Variants in DCHS2 observed in about 807,000 individuals in gnomAD.
DCHS2 encodes the protein dachsous cadherin-related 2.
Under a neutral mutation model 182.4 loss-of-function variants are expected in DCHS2, and 142 were observed. The ratio of observed to expected loss-of-function variants is 0.78; its 90% CI spans 0.68 to 0.89. The LOEUF is 0.89. Ranked by LOEUF, DCHS2 falls within the 40% of genes least tolerant of loss-of-function variation. The pLI, the probability that DCHS2 is intolerant of heterozygous loss-of-function variation, is 0.00. For synonymous variants in DCHS2, 1,740 were observed against 1,663.3 expected (o/e 1.05, Z -1.12); for missense variants, 4,319 against 4,198.6 (o/e 1.03, Z -0.79).
chr4:154,383,638 A>G (rs1247286624), intron 1 of DCHS2, among the ~76,000 whole-genome samples: 3 of 152,154 alleles, frequency 2.0e-5, no homozygotes, highest in Admixed American at 1.3e-4. Context: ...TGGATGTTCT[A>G]CAAGTGGAAT....
Position 154,343,516 on chromosome 4 carries a change from C to T in DCHS2, c.2477-8412G>A, listed in dbSNP as rs1485777077. 2.0e-6 allele frequency: 3 copies of T among 1,503,084 alleles called. No individual in the cohort carries two copies. In the Admixed American group the frequency reaches 6.1e-5, roughly 31 times the overall value. 93.1% of individuals were successfully genotyped at this position (1,503,084 alleles called of 1,614,324 possible). On this transcript the variant is annotated intron_variant, in intron 3 of 19. Transcript: ENST00000357232. Reference sequence around the variant, plus strand: ...TTTGCTACATACCTTGCTGCAGCTTCTCCATCAGCACTTGCTGCTTCATCT... The same window carrying T: ...TTTGCTACATACCTTGCTGCAGCTTTTCCATCAGCACTTGCTGCTTCATCT...
intron 15 of DCHS2, among the ~76,000 whole-genome samples, chr4:154,257,923 T>G (rs1162382435): frequency 6.6e-6 from 1 of 152,316 alleles, no homozygotes; most frequent in African/African-American, 2.4e-5. Flanking sequence ...TATGGGTCTT[T>G]GCCTTCACTT....
rs75589397 is a variant in DCHS2 at position 154,325,316 on chromosome 4, C to CGTGTGTGTGTGT, written c.4018+2765_4018+2776dup. Among the ~76,000 whole-genome samples, 219 of 142,744 alleles carry CGTGTGTGTGTGT rather than the reference C, an allele frequency of 1.5e-3. 1 individual carries two copies. Among genetic ancestry groups the CGTGTGTGTGTGT allele is most frequent in the African/African-American group, 5.5e-3 (209 of 38,266 alleles). 93.6% of individuals were successfully genotyped at this position (142,744 alleles called of 152,430 possible). On this transcript the variant is annotated intron_variant, in intron 7 of 19. Transcript: ENST00000357232. The stretch of plus-strand genomic sequence containing the variant: ...AGTGGTATTATAGCAGGATTATAGC[C>CGTGTGTGTGTGT]GTGTGTGTGTGTGTGTGTGTGTGTG...
chr4:154,345,008 C>A (rs1488066694), intron 3 of DCHS2, among the ~76,000 whole-genome samples: 1 of 152,182 alleles, frequency 6.6e-6, no homozygotes, highest in Non-Finnish European at 1.5e-5. Context: ...ATACTAAACA[C>A]AGAAGAAAGC....
At chr4:154,420,662 C>A (rs952978843) in intron 1 of DCHS2, among the ~76,000 whole-genome samples, 1 of 152,166 alleles carries the variant, frequency 6.6e-6, no homozygotes, top group Non-Finnish European at 1.5e-5. Flanking sequence ...TCTGGGCCCT[C>A]AACTGATGGG....
At chr4:154,472,682 A>G (rs1422680595) in intron 1 of DCHS2, among the ~76,000 whole-genome samples, 2 of 152,174 alleles carry the variant, frequency 1.3e-5, no homozygotes, top group African/African-American at 4.8e-5. Flanking sequence ...GGAAGCATAA[A>G]GACTTTGTAA....
intron 1 of DCHS2, among the ~76,000 whole-genome samples, chr4:154,414,052 T>A (rs1732732585): frequency 6.6e-6 from 1 of 152,090 alleles, no homozygotes; most frequent in Non-Finnish European, 1.5e-5. Flanking sequence ...TACAAAAAAA[T>A]AACAATAAAT....
At chr4:154,341,212 CA>C (rs1337557971) in intron 3 of DCHS2, among the ~76,000 whole-genome samples, 92 of 151,712 alleles carry the variant, frequency 6.1e-4, no homozygotes, top group Admixed American at 1.8e-3. Flanking sequence ...CCTAAAAATA[CA>C]AAAAAATTAG....
In DCHS2 at chr4:154,274,195, A is replaced by T. The variant is rs1733727862; in HGVS notation, c.6464-4182T>A. Among the ~76,000 whole-genome samples the T allele has an allele frequency of 2.0e-5, 3 of 152,160 alleles. 1 individual carries two copies. In the South Asian group the frequency reaches 6.2e-4, roughly 31 times the overall value. ...TGCTGAAGATTCTGGGCTTTTCAAG[A>T]GAAGCTCAAAATTTTATATATTTAT... On this transcript the variant is annotated intron_variant, in intron 13 of 19. Coordinates refer to ENST00000357232, the MANE Select transcript of DCHS2 (RefSeq NM_001358235.2).
chr4:154,357,302 T>G, intron 3 of DCHS2: 1 of 1,613,010 alleles, frequency 6.2e-7, no homozygotes, highest in African/African-American at 1.3e-5. Context: ...CACTCAGAAT[T>G]TCTACCTCTG....
At chr4:154,240,987 GA>G (rs1371942746) in intron 17 of DCHS2, among the ~76,000 whole-genome samples, 164 bp from the exon 18 acceptor site, 1 of 152,162 alleles carries the variant, frequency 6.6e-6, no homozygotes, top group Non-Finnish European at 1.5e-5. Context: ...CAAAAACTCT[GA>G]AGAATTTATG....
intron 1 of DCHS2, among the ~76,000 whole-genome samples, chr4:154,389,536 A>ATATATATATAT (rs1485000004): frequency 9.0e-5 from 13 of 144,540 alleles, no homozygotes; most frequent in East Asian, 2.0e-4. Flanking sequence ...ATATATATAT[A>ATATATATATAT]ACCTTTTTTT....
intron 1 of DCHS2, among the ~76,000 whole-genome samples, chr4:154,481,245 T>G (rs937626586): frequency 6.6e-6 from 1 of 152,110 alleles, no homozygotes; most frequent in Non-Finnish European, 1.5e-5. Context: ...AAGAAAGAAC[T>G]GACTTTTATT....
rs766277104 is a variant in DCHS2, at chr4:154,335,067, T to A, written c.2514A>T (p.Glu838Asp). Residue 838 changes from glutamate to aspartate, a missense_variant, in exon 4 of 20, where the codon GAA (glutamate) becomes GAT (aspartate). Transcript: ENST00000357232. ...IYLTLPLSHL[E>D]STTLSLMVSA... is the part of the protein sequence containing the mutation. ...AGACCATCAACGAAAGTGTGGTAGA[T>A]TCCAAATGACTAAGAGGTAATGTTA... is the stretch of plus-strand genomic sequence containing the variant. The A allele has an allele frequency of 6.2e-7, 1 of 1,613,272 alleles. No individual in the cohort carries two copies. The highest frequency in any genetic ancestry group is 2.2e-5 in the East Asian group (1 of 44,872).
chr4:154,479,641 T>C (rs1735838509), intron 1 of DCHS2, among the ~76,000 whole-genome samples: 1 of 152,178 alleles, frequency 6.6e-6, no homozygotes, highest in African/African-American at 2.4e-5. Flanking sequence ...CCAAAAAAAT[T>C]ATCTTTCTTT....
chr4:154,356,635 CA>C (rs1729885042), intron 3 of DCHS2, among the ~76,000 whole-genome samples: 1 of 152,136 alleles, frequency 6.6e-6, no homozygotes, highest in South Asian at 2.1e-4. Context: ...TTTAGATATA[CA>C]AATTCTTACC....
intron 3 of DCHS2, among the ~76,000 whole-genome samples, chr4:154,347,284 G>A (rs374682995): frequency 1.3e-5 from 2 of 148,568 alleles, no homozygotes; most frequent in South Asian, 2.2e-4. Context: ...TATGGGGAAC[G>A]GCTTCTTAAA....
intron 7 of DCHS2, among the ~76,000 whole-genome samples, chr4:154,326,094 G>A (rs775449789): frequency 4.6e-5 from 7 of 152,210 alleles, no homozygotes; most frequent in Non-Finnish European, 7.3e-5. Context: ...CACATATAGA[G>A]TTCCTCTAGG....
chr4:154,292,662 T>C (rs1277384492), intron 13 of DCHS2, among the ~76,000 whole-genome samples: 1 of 152,204 alleles, frequency 6.6e-6, no homozygotes, highest in Admixed American at 6.5e-5. Flanking sequence ...GACTTGTTAT[T>C]TCAGACATGC....
Sources: gnomAD v4.1 joint callset for allele counts (sites outside exome capture counted in the v4.1 genomes callset) on GRCh38, gnomAD v4.1.1 for gene constraint, MANE v1.5 for transcripts, NCBI Gene and HGNC (gene_info 2026-07-23, HGNC 2026-07-21) for gene names.